The following VAV2 variants were observed in gnomAD, a reference collection of about 807,000 sequenced individuals.
The protein encoded by VAV2 is vav guanine nucleotide exchange factor 2.
In VAV2, 67 loss-of-function variants were observed where a neutral mutation model predicts 132.5. The ratio of observed to expected loss-of-function variants is 0.51; its 90% CI spans 0.42 to 0.62. VAV2 has a LOEUF of 0.62. VAV2 is among the 20% of genes least tolerant of loss of function. The probability of loss-of-function intolerance (pLI) is 0.00; values close to 1 mark genes in which losing one functional copy is unlikely to be tolerated. For synonymous variants in VAV2, 492 were observed against 443.5 expected, an observed-to-expected ratio of 1.11 and a Z score of -1.37; for missense variants, 938 against 1,153.6, an observed-to-expected ratio of 0.81 and a Z score of 2.71.
intron 4 of VAV2, among the ~76,000 whole-genome samples, chr9:133,812,795 C>T (rs950571902): frequency 6.6e-6 from 1 of 152,182 alleles, no homozygotes; most frequent in Non-Finnish European, 1.5e-5. Flanking sequence ...TACAATAAAG[C>T]TTTGTTTTAG....
intron 17 of VAV2, among the ~76,000 whole-genome samples, chr9:133,785,522 A>G (rs1834182617): frequency 1.3e-5 from 2 of 152,190 alleles, no homozygotes; most frequent in African/African-American, 4.8e-5. Flanking sequence ...TCATTCCAGC[A>G]GGACAGCGGA....
intron 2 of VAV2, among the ~76,000 whole-genome samples, chr9:133,930,485 C>T (rs1458133347): frequency 6.6e-6 from 1 of 151,824 alleles, no homozygotes; most frequent in Non-Finnish European, 1.5e-5. Context: ...CTCTGCCTCC[C>T]GGCATCCTGG....
chr9:133,866,787 C>A (rs1279727851), intron 2 of VAV2, among the ~76,000 whole-genome samples: 3 of 141,122 alleles, frequency 2.1e-5, no homozygotes, highest in Non-Finnish European at 4.5e-5. Context: ...ACCTGGGCAA[C>A]AGAGCAAGAC....
Position 133,802,780 on chromosome 9 carries a change from C to T in VAV2, c.836+3301G>A, listed in dbSNP as rs1003901702. ...TGCCTCCAGTCCACACAGCCCCAAC[C>T]TCTCAAGATGCCCAGGGACAGGCCA... On this transcript the variant is annotated intron_variant, in intron 9 of 29. Coordinates refer to ENST00000371850, the MANE Select transcript of VAV2 (RefSeq NM_001134398.2). This position sits in a 1 kb window ranked among gnomAD's most constrained non-coding sequence, Gnocchi z 5.8. Among the ~76,000 whole-genome samples, 1 of 152,220 alleles carries T rather than the reference C, an allele frequency of 6.6e-6. No individual in the cohort carries two copies. Among genetic ancestry groups the T allele is most frequent in the African/African-American group, 2.4e-5 (1 of 41,448 alleles).
At chr9:133,770,259 T>C in intron 27 of VAV2, 119 bp downstream of exon 27, 1 of 1,487,534 alleles carries the variant, frequency 6.7e-7, no homozygotes, top group African/African-American at 1.4e-5. Flanking sequence ...GCGGGGGCTG[T>C]GTTCCCCAGG....
chr9:133,779,503 T>A (rs1288430974), intron 21 of VAV2, among the ~76,000 whole-genome samples: 1 of 152,214 alleles, frequency 6.6e-6, no homozygotes, highest in Non-Finnish European at 1.5e-5. Flanking sequence ...TGCACTCAAG[T>A]TTGCAGAGAA....
Position 133,769,526 on chromosome 9 carries a change from G to A in VAV2, c.2348-23C>T, listed in dbSNP as rs368959243. The A allele has an allele frequency of 2.7e-5, 44 of 1,602,418 alleles. No homozygotes were observed. Among genetic ancestry groups the A allele is most frequent in the East Asian group, 1.1e-4 (5 of 44,482 alleles). On this transcript the variant is annotated intron_variant, in intron 27 of 29. Coordinates refer to ENST00000371850, the MANE Select transcript of VAV2 (RefSeq NM_001134398.2). This position sits in a 1 kb window ranked among gnomAD's most constrained non-coding sequence, Gnocchi z 8.1. The stretch of plus-strand genomic sequence containing the variant: ...AAGCTGCAAAGAGGCGAGAGAGAAC[G>A]TGAGGCGGGCAGCAGGGCATCCACG...
intron 13 of VAV2, among the ~76,000 whole-genome samples, chr9:133,790,616 G>A (rs771216812): frequency 6.6e-6 from 1 of 152,202 alleles, no homozygotes; most frequent in Non-Finnish European, 1.5e-5. Context: ...GCACGGACCC[G>A]CCAGGTGCTG....
At chr9:133,787,206 G>A in intron 16 of VAV2, 40 bp downstream of exon 16, 1 of 1,551,924 alleles carries the variant, frequency 6.4e-7, no homozygotes, top group Non-Finnish European at 8.7e-7. Context: ...AGGCTGGGAT[G>A]ATTGAGGCAG....
At chr9:133,820,205 T>G (rs1228334613) in intron 4 of VAV2, among the ~76,000 whole-genome samples, 1 of 152,204 alleles carries the variant, frequency 6.6e-6, no homozygotes, top group African/African-American at 2.4e-5. Context: ...TGGTGTCACT[T>G]GGGGAAACAA....
intron 2 of VAV2, among the ~76,000 whole-genome samples, chr9:133,907,735 C>A (rs1208644669): frequency 6.6e-6 from 1 of 152,268 alleles, no homozygotes; most frequent in Non-Finnish European, 1.5e-5. Flanking sequence ...AAAGAAATGC[C>A]AAGCCTAATG....
intron 4 of VAV2, among the ~76,000 whole-genome samples, chr9:133,813,546 A>G (rs540515218): frequency 6.6e-6 from 1 of 152,234 alleles, no homozygotes; most frequent in Non-Finnish European, 1.5e-5. Context: ...ACACGCTGCA[A>G]TGCACAAGCC....
chr9:133,798,569 G>A (rs1283856162), intron 9 of VAV2, among the ~76,000 whole-genome samples: 3 of 152,098 alleles, frequency 2.0e-5, no homozygotes, highest in Non-Finnish European at 4.4e-5. Context: ...CAGGGTTCCC[G>A]GCCTCTGGAG....
At chr9:133,894,906 C>T (rs1313677552) in intron 2 of VAV2, among the ~76,000 whole-genome samples, 1 of 152,244 alleles carries the variant, frequency 6.6e-6, no homozygotes, top group African/African-American at 2.4e-5. Flanking sequence ...GCCCTAGACC[C>T]TGGGGTAAAG....
chr9:133,784,243 G>C, intron 18 of VAV2, 74 bp downstream of exon 18: 4 of 1,494,188 alleles, frequency 2.7e-6, no homozygotes, highest in Non-Finnish European at 3.7e-6. Flanking sequence ...GGGACAGATA[G>C]AACACTAAGC....
chr9:133,772,990 G>A (rs1833687122), intron 25 of VAV2, among the ~76,000 whole-genome samples: 1 of 119,868 alleles, frequency 8.3e-6, no homozygotes, highest in African/African-American at 3.0e-5. Context: ...CTGGACGGCA[G>A]AGCCTACTGC....
At chr9:133,973,977 T>C (rs528445814) in intron 1 of VAV2, among the ~76,000 whole-genome samples, 53 of 152,258 alleles carry the variant, frequency 3.5e-4, no homozygotes, top group African/African-American at 1.0e-3. Flanking sequence ...TGACCCCAGA[T>C]TACCAGGCCA....
At chr9:133,810,451 G>A (rs1835317075) in intron 5 of VAV2, among the ~76,000 whole-genome samples, 1 of 152,234 alleles carries the variant, frequency 6.6e-6, no homozygotes, top group South Asian at 2.1e-4. Flanking sequence ...CTTCCTTTGG[G>A]GAAGTCACCA....
chr9:133,859,128 C>T (rs979717841), intron 3 of VAV2, among the ~76,000 whole-genome samples: 7 of 152,152 alleles, frequency 4.6e-5, no homozygotes, highest in African/African-American at 1.4e-4. Flanking sequence ...GTGCCCACCC[C>T]GGGCCTCAAA....
Sources: allele counts gnomAD v4.1 joint callset (sites outside exome capture counted in the v4.1 genomes callset), GRCh38; gene constraint gnomAD v4.1.1; non-coding constraint Gnocchi (gnomAD v3.1); transcripts MANE v1.5; gene names NCBI Gene and HGNC (gene_info 2026-07-23, HGNC 2026-07-21).